The following ANKRD17 variants were observed in gnomAD, a reference collection of about 807,000 sequenced individuals.
The protein encoded by ANKRD17 is ankyrin repeat domain-containing protein 17.
ANKRD17 carries 19 observed loss-of-function variants against 229.7 expected under a neutral mutation model. The ratio of observed to expected loss-of-function variants is 0.08; its 90% CI spans 0.06 to 0.12. ANKRD17 has a LOEUF of 0.12. ANKRD17 is among the 10% of genes least tolerant of loss of function. The probability of loss-of-function intolerance (pLI) is 1.00; values close to 1 mark genes in which losing one functional copy is unlikely to be tolerated. For synonymous variants in ANKRD17, 1,112 were observed against 1,146.1 expected (o/e 0.97, Z 0.60); for missense variants, 2,176 against 3,176.8 (o/e 0.68, Z 7.57).
At chr4:73,090,384 T>G (rs539884694) in intron 29 of ANKRD17, among the ~76,000 whole-genome samples, 1 of 152,208 alleles carries the variant, frequency 6.6e-6, no homozygotes, top group African/African-American at 2.4e-5. Context: ...CACTCCAGCC[T>G]GGGTGACAGA....
intron 25 of ANKRD17, chr4:73,098,973 T>G: frequency 1.0e-6 from 1 of 987,380 alleles, no homozygotes; most frequent in Non-Finnish European, 1.6e-6. Flanking sequence ...CCCAGTGAAG[T>G]GCCAACACCT....
chr4:73,107,862 A>T (rs1724830576), intron 24 of ANKRD17, among the ~76,000 whole-genome samples: 1 of 152,140 alleles, frequency 6.6e-6, no homozygotes, highest in Non-Finnish European at 1.5e-5. Context: ...GTGTGATATG[A>T]TTTGATTTAG....
chr4:73,127,109 C>A (rs1020103327), intron 16 of ANKRD17, among the ~76,000 whole-genome samples: 1 of 152,122 alleles, frequency 6.6e-6, no homozygotes, highest in Admixed American at 6.5e-5. Flanking sequence ...AATCTAGATA[C>A]AAATTGAGTA....
chr4:73,232,707 C>T (rs1412729084), intron 1 of ANKRD17, among the ~76,000 whole-genome samples: 2 of 152,020 alleles, frequency 1.3e-5, no homozygotes, highest in African/African-American at 4.8e-5. Flanking sequence ...GTAGAGGCCA[C>T]CACATGTCTG....
intron 15 of ANKRD17, among the ~76,000 whole-genome samples, chr4:73,136,009 T>C (rs1728849850): frequency 6.6e-6 from 1 of 152,204 alleles, no homozygotes; most frequent in Non-Finnish European, 1.5e-5. Context: ...ATTACTATTA[T>C]TCTAAGTATG....
Position 73,078,376 on chromosome 4 carries a change from C to CA in ANKRD17, c.7408+265dup, listed in dbSNP as rs564579561. Among the ~76,000 whole-genome samples, 341 of 132,616 alleles carry CA rather than the reference C, an allele frequency of 2.6e-3. 2 individuals are homozygous for CA. Among genetic ancestry groups the CA allele is most frequent in the African/African-American group, 6.0e-3 (215 of 35,762 alleles). 87.0% of individuals were successfully genotyped at this position (132,616 alleles called of 152,430 possible). A position where few individuals can be genotyped will look rare whatever the true frequency, so the allele number is the denominator to read the frequency against. ...TGGGTTACAGAGCGAGACTCCGTCTCAAAAAAAAAAAATTAGCTGGGCATG... is the reference window on the plus strand; with the variant it reads ...TGGGTTACAGAGCGAGACTCCGTCTCAAAAAAAAAAAAATTAGCTGGGCATG... On this transcript the variant is annotated intron_variant, in intron 31 of 33. Transcript: ENST00000358602.
chr4:73,235,271 T>C (rs956223251), intron 1 of ANKRD17, among the ~76,000 whole-genome samples: 1 of 152,134 alleles, frequency 6.6e-6, no homozygotes, highest in Non-Finnish European at 1.5e-5. Flanking sequence ...CCCATCTCCT[T>C]TGAGTGACAG....
At chr4:73,164,736 G>A (rs547441368) in intron 2 of ANKRD17, among the ~76,000 whole-genome samples, 2 of 151,462 alleles carry the variant, frequency 1.3e-5, no homozygotes, top group East Asian at 3.9e-4. Flanking sequence ...AGGTTGCAGT[G>A]AGCCAAGATT....
intron 1 of ANKRD17, among the ~76,000 whole-genome samples, chr4:73,244,947 T>C (rs1006640889): frequency 6.6e-6 from 1 of 152,118 alleles, no homozygotes; most frequent in African/African-American, 2.4e-5. Context: ...AAATATGGTG[T>C]GTTGGCTATT....
intron 1 of ANKRD17, among the ~76,000 whole-genome samples, chr4:73,200,797 A>G (rs947474093): frequency 2.6e-5 from 4 of 151,962 alleles, no homozygotes; most frequent in African/African-American, 2.4e-5. Flanking sequence ...TAATTTCTCA[A>G]TACTGTGCTA....
At chr4:73,146,926 A>G (rs1730361225) in intron 9 of ANKRD17, 53 bp from the exon 10 acceptor site, 1 of 1,436,918 alleles carries the variant, frequency 7.0e-7, no homozygotes, top group Non-Finnish European at 9.6e-7. Flanking sequence ...CATAAGACAT[A>G]TATGACGAAA....
chr4:73,246,565 G>T (rs571218578), intron 1 of ANKRD17, among the ~76,000 whole-genome samples: 1 of 152,148 alleles, frequency 6.6e-6, no homozygotes, highest in Non-Finnish European at 1.5e-5. Context: ...AAAAACAAAG[G>T]TTTAGGTTGG....
intron 1 of ANKRD17, among the ~76,000 whole-genome samples, chr4:73,179,310 T>A (rs1368405324): frequency 6.6e-6 from 1 of 150,936 alleles, no homozygotes; most frequent in Non-Finnish European, 1.5e-5. Flanking sequence ...TTCATAAAAT[T>A]TTGTTCTACA....
chr4:73,109,620 T>C (rs899795266), intron 24 of ANKRD17, among the ~76,000 whole-genome samples: 5 of 152,098 alleles, frequency 3.3e-5, no homozygotes, highest in Non-Finnish European at 7.4e-5. Context: ...GAAGACTAAA[T>C]TAAACTAAGG....
chr4:73,206,422 AAGTG>A (rs1356777901), intron 1 of ANKRD17, among the ~76,000 whole-genome samples: 4,975 of 144,656 alleles, frequency 0.034, 84 homozygotes, highest in East Asian at 0.043. Flanking sequence ...GAGAGAAAGA[AAGTG>A]AGAGAGAGAG....
intron 1 of ANKRD17, among the ~76,000 whole-genome samples, chr4:73,235,979 C>T (rs1298445816): frequency 1.3e-5 from 2 of 152,002 alleles, no homozygotes; most frequent in African/African-American, 4.8e-5. Context: ...ACTGGGATTA[C>T]AGGCATGAGC....
At chr4:73,083,962 C>A (rs1287857396) in intron 30 of ANKRD17, among the ~76,000 whole-genome samples, 1 of 150,710 alleles carries the variant, frequency 6.6e-6, no homozygotes, top group African/African-American at 2.4e-5. Flanking sequence ...AAAAAAAAAC[C>A]GAAGTCTTAC....
chr4:73,190,023 C>A (rs1736840309), intron 1 of ANKRD17, among the ~76,000 whole-genome samples: 5 of 152,112 alleles, frequency 3.3e-5, no homozygotes, highest in Admixed American at 3.3e-4. Context: ...AAGACAATAT[C>A]CATTTTCATT....
At chr4:73,240,082 A>G (rs1423043133) in intron 1 of ANKRD17, among the ~76,000 whole-genome samples, 2 of 152,156 alleles carry the variant, frequency 1.3e-5, no homozygotes, top group Non-Finnish European at 2.9e-5. Flanking sequence ...AGATAGTGCA[A>G]GAGAACTACA....
Sources: allele counts gnomAD v4.1 joint callset (sites outside exome capture counted in the v4.1 genomes callset), GRCh38; gene constraint gnomAD v4.1.1; transcripts MANE v1.5; gene names NCBI Gene and HGNC (gene_info 2026-07-23, HGNC 2026-07-21).